The following AGBL4 variants were observed in gnomAD, a reference collection of about 807,000 sequenced individuals.
AGBL4 encodes the protein AGBL carboxypeptidase 4, also known as cytosolic carboxypeptidase 6.
AGBL4 carries 58 observed loss-of-function variants against 66.4 expected under a neutral mutation model. That is an observed-to-expected ratio of 0.87 (90% CI 0.71 to 1.09). The LOEUF (loss-of-function observed/expected upper bound fraction) is 1.09. AGBL4 is among the 50% of genes least tolerant of loss of function. AGBL4 has a pLI of 0.00. For synonymous variants in AGBL4, 234 were observed against 222.9 expected, an observed-to-expected ratio of 1.05 and a Z score of -0.44; for missense variants, 579 against 631.0, an observed-to-expected ratio of 0.92 and a Z score of 0.88.
intron 6 of AGBL4, chr1:48,818,031 A>C: frequency 1.4e-6 from 1 of 709,386 alleles, no homozygotes; most frequent in Non-Finnish European, 2.6e-6. Context: ...TCCCGAGATT[A>C]GGTCAAATTC....
At chr1:49,862,275 T>C (rs1211301173) in intron 1 of AGBL4, among the ~76,000 whole-genome samples, 1 of 151,826 alleles carries the variant, frequency 6.6e-6, no homozygotes, top group Admixed American at 6.6e-5. Context: ...ATCAGGGTTC[T>C]TCAATAGCAG....
intron 4 of AGBL4, among the ~76,000 whole-genome samples, chr1:49,139,125 A>G (rs1328555587): frequency 4.6e-5 from 7 of 152,170 alleles, no homozygotes; most frequent in Admixed American, 2.6e-4. Context: ...CTCATGATCC[A>G]GTCACCTCCT....
intron 2 of AGBL4, among the ~76,000 whole-genome samples, chr1:49,699,278 G>A (rs367808957): frequency 1.3e-5 from 2 of 152,032 alleles, no homozygotes; most frequent in East Asian, 1.9e-4. Flanking sequence ...CAACTACTCT[G>A]TTGACCTTCT....
At chr1:49,827,514 T>G (rs1409873687) in intron 2 of AGBL4, among the ~76,000 whole-genome samples, 1 of 152,140 alleles carries the variant, frequency 6.6e-6, no homozygotes, top group Non-Finnish European at 1.5e-5. Context: ...CACAATCGGA[T>G]AGTTTAAAAT....
At chr1:48,745,501 C>G (rs957303716) in intron 6 of AGBL4, among the ~76,000 whole-genome samples, 4 of 152,168 alleles carry the variant, frequency 2.6e-5, no homozygotes, top group Non-Finnish European at 5.9e-5. Flanking sequence ...TTGGTCCCCT[C>G]CCATAGTCAG....
chr1:49,366,870 G>T (rs1314727020), intron 3 of AGBL4, among the ~76,000 whole-genome samples: 1 of 152,140 alleles, frequency 6.6e-6, no homozygotes, highest in Non-Finnish European at 1.5e-5. Flanking sequence ...CAGAATTTTT[G>T]CTGGAACAGG....
intron 2 of AGBL4, among the ~76,000 whole-genome samples, chr1:49,753,142 G>C (rs781642641): frequency 1.3e-4 from 20 of 152,168 alleles, no homozygotes; most frequent in Non-Finnish European, 2.8e-4. Context: ...CCCATTACTT[G>C]ATGCAGTTTC....
intron 11 of AGBL4, among the ~76,000 whole-genome samples, chr1:48,547,492 G>C (rs913324140): frequency 6.6e-6 from 1 of 152,142 alleles, no homozygotes; most frequent in African/African-American, 2.4e-5. Context: ...GCATATGAAA[G>C]AATGTGGCAG....
intron 3 of AGBL4, among the ~76,000 whole-genome samples, chr1:49,556,708 G>A (rs1643907125): frequency 6.6e-6 from 1 of 151,996 alleles, no homozygotes; most frequent in Non-Finnish European, 1.5e-5. Flanking sequence ...CTAGGTGCCG[G>A]CACTCTTCAG....
intron 6 of AGBL4, among the ~76,000 whole-genome samples, chr1:48,855,360 A>G (rs1415360439): frequency 6.6e-6 from 1 of 152,164 alleles, no homozygotes; most frequent in Non-Finnish European, 1.5e-5. Flanking sequence ...GGAACATACT[A>G]ATTAGTTTGT....
Position 49,256,282 on chromosome 1 carries a change from A to C in AGBL4, c.283-10418T>G, listed in dbSNP as rs1652493442. ...ACATATATCAAAACATCACATATAC[A>C]ACCAAAAAATGTACAGTTGTAATAT... is the stretch of plus-strand genomic sequence containing the variant. On this transcript the variant is annotated intron_variant, in intron 3 of 13. Coordinates refer to ENST00000371839, the MANE Select transcript of AGBL4 (RefSeq NM_032785.4). Among the ~76,000 whole-genome samples, 3 of 152,200 alleles carry C rather than the reference A, an allele frequency of 2.0e-5. No homozygotes were observed. The South Asian group carries it at 6.2e-4, about 31-fold the overall frequency.
rs199675324 is a variant in AGBL4, at chr1:48,534,787, C to A, written c.1391+103G>T. ...CTGAAAATCCACATTCATTGAAGAG[C>A]CTTGCTAACATAACAAGGCTGCCAG... On this transcript the variant is annotated intron_variant, in intron 13 of 13. Transcript: ENST00000371839. 8.1e-6 allele frequency: 10 copies of A among 1,232,818 alleles called. No homozygotes were observed. In the Middle Eastern group the frequency reaches 9.5e-4, roughly 117 times the overall value. The allele number at this position is 1,232,818 out of a possible 1,614,324, so 76.4% of individuals were successfully genotyped here.
chr1:49,144,788 G>A (rs895060128), intron 4 of AGBL4, among the ~76,000 whole-genome samples: 31 of 152,188 alleles, frequency 2.0e-4, no homozygotes, highest in African/African-American at 7.5e-4. Context: ...TCCCAGAGAG[G>A]AAGACACGTA....
chr1:48,722,600 C>CA lies in AGBL4; in HGVS notation c.635-59360dup, dbSNP rs1647169592. The stretch of plus-strand genomic sequence containing the variant: ...CTGGCTCCAAAACTGATGCTCTTTC[C>CA]ATTATAACACGGTAAACTGAAGGGA... On this transcript the variant is annotated intron_variant, in intron 6 of 13. Coordinates refer to ENST00000371839, the MANE Select transcript of AGBL4 (RefSeq NM_032785.4). 2.0e-5 allele frequency among the ~76,000 whole-genome samples: 3 copies of CA among 152,108 alleles called. No individual in the cohort carries two copies. In the South Asian group the frequency reaches 6.2e-4, roughly 32 times the overall value.
At chr1:48,650,607 A>G (rs1570131892) in intron 8 of AGBL4, among the ~76,000 whole-genome samples, 1 of 152,138 alleles carries the variant, frequency 6.6e-6, no homozygotes, top group Admixed American at 6.6e-5. Flanking sequence ...GAAAAACTTT[A>G]ACAAAGTTAA....
intron 1 of AGBL4, among the ~76,000 whole-genome samples, chr1:49,883,963 T>A (rs1647724268): frequency 6.6e-6 from 1 of 152,124 alleles, no homozygotes; most frequent in East Asian, 1.9e-4. Context: ...TACATGCACA[T>A]AAAACCATTA....
At chr1:49,782,208 A>G (rs1644353052) in intron 2 of AGBL4, among the ~76,000 whole-genome samples, 3 of 152,044 alleles carry the variant, frequency 2.0e-5, no homozygotes, top group Admixed American at 2.0e-4. Context: ...AACAAAAACC[A>G]AAAACTTTAG....
intron 1 of AGBL4, among the ~76,000 whole-genome samples, chr1:49,969,121 T>G (rs1441096386): frequency 6.6e-6 from 1 of 152,192 alleles, no homozygotes; most frequent in African/African-American, 2.4e-5. Context: ...ACACATACAT[T>G]AAACTATCAA....
At chr1:48,735,432 A>T (rs771654675) in intron 6 of AGBL4, among the ~76,000 whole-genome samples, 16 of 151,784 alleles carry the variant, frequency 1.1e-4, no homozygotes, top group Admixed American at 2.0e-4. Flanking sequence ...CAGAGGAGAA[A>T]GAAGAGAGGA....
Sources: allele counts gnomAD v4.1 joint callset (sites outside exome capture counted in the v4.1 genomes callset), GRCh38; gene constraint gnomAD v4.1.1; transcripts MANE v1.5; gene names NCBI Gene and HGNC (gene_info 2026-07-23, HGNC 2026-07-21).